Variants in TMEM131L observed in about 807,000 individuals in gnomAD.
The protein encoded by TMEM131L is transmembrane 131 like, also known as transmembrane protein 131-like.
Under a neutral mutation model 192.2 loss-of-function variants are expected in TMEM131L, and 54 were observed. The observed-to-expected ratio is 0.28, with a 90% CI of 0.23 to 0.35. The LOEUF is 0.35. Ranked by LOEUF, TMEM131L falls within the 10% of genes least tolerant of loss-of-function variation. The pLI, the probability that TMEM131L is intolerant of heterozygous loss-of-function variation, is 1.00. For synonymous variants in TMEM131L, 701 were observed against 704.9 expected, an observed-to-expected ratio of 0.99 and a Z score of 0.09; for missense variants, 1,888 against 1,972.9, an observed-to-expected ratio of 0.96 and a Z score of 0.82.
chr4:153,604,333 A>G lies in TMEM131L; in HGVS notation c.3321A>G (p.Pro1107=), dbSNP rs1003855823. The change falls in exon 25 of 35, where the codon CCA becomes CCG. Residue 1107 remains proline, a synonymous_variant. Transcript: ENST00000409959. ...TAEFKERELC[P]LKTSKKLPEN... The stretch of plus-strand genomic sequence containing the variant: ...AGTTCAAGGAACGGGAGCTCTGTCC[A>G]CTGAAGACCTCCAAGAAACTACCTG... The G allele has an allele frequency of 2.5e-6, 4 of 1,614,030 alleles. No individual in the cohort carries two copies. The highest frequency in any genetic ancestry group is 3.4e-6 in the Non-Finnish European group (4 of 1,179,990).
At position 153,603,829 on chromosome 4, in the gene TMEM131L, A is replaced by C. The variant is rs369892309; in HGVS notation, c.2817A>C (p.Thr939=). ...YKSNCKNFLD[T]YGPSDKGRGK... ...GCAATTGCAAGAACTTTCTCGATACATATGGCCCCTCTGATAAAGGCAGGG... is the reference window on the plus strand; with the variant it reads ...GCAATTGCAAGAACTTTCTCGATACCTATGGCCCCTCTGATAAAGGCAGGG... Residue 939 remains threonine, a synonymous_variant, in exon 25 of 35, where the codon ACA becomes ACC. Transcript: ENST00000409959. 6.2e-7 allele frequency: 1 copy of C among 1,605,704 alleles called. No homozygotes were observed. The highest frequency in any genetic ancestry group is 1.3e-5 in the African/African-American group (1 of 74,290).
chr4:153,578,378 G>A (rs1730102470), intron 7 of TMEM131L, among the ~76,000 whole-genome samples: 1 of 151,680 alleles, frequency 6.6e-6, no homozygotes. Context: ...TTTTTGAGAC[G>A]GAGTTTCACT....
At chr4:153,530,969 C>T (rs1320815585) in intron 3 of TMEM131L, among the ~76,000 whole-genome samples, 1 of 152,206 alleles carries the variant, frequency 6.6e-6, no homozygotes, top group Non-Finnish European at 1.5e-5. Context: ...TATTAAATCC[C>T]TTTCTGCTTA....
chr4:153,611,846 C>T (rs1037715548), intron 25 of TMEM131L, among the ~76,000 whole-genome samples: 2 of 152,194 alleles, frequency 1.3e-5, no homozygotes, highest in East Asian at 1.9e-4. Flanking sequence ...CCATCTTAAC[C>T]GTACAGTTCA....
intron 3 of TMEM131L, among the ~76,000 whole-genome samples, chr4:153,531,107 A>G (rs570204961): frequency 6.6e-6 from 1 of 152,358 alleles, no homozygotes; most frequent in South Asian, 2.1e-4. Flanking sequence ...ATAGATGGAT[A>G]AATGGATCAG....
intron 3 of TMEM131L, among the ~76,000 whole-genome samples, chr4:153,503,968 G>A (rs1733785815): frequency 6.6e-6 from 1 of 151,948 alleles, no homozygotes; most frequent in Non-Finnish European, 1.5e-5. Context: ...GCACTTGTGT[G>A]GTTTTTTTGT....
At chr4:153,497,988 C>G (rs1306168355) in intron 3 of TMEM131L, among the ~76,000 whole-genome samples, 1 of 151,838 alleles carries the variant, frequency 6.6e-6, no homozygotes, top group Non-Finnish European at 1.5e-5. Flanking sequence ...GGCAGAGATC[C>G]GTGTGTAAGC....
At chr4:153,598,561 C>T in intron 20 of TMEM131L, 29 bp from the exon 21 acceptor site, 1 of 1,595,990 alleles carries the variant, frequency 6.3e-7, no homozygotes, top group East Asian at 2.3e-5. Context: ...CATGTAATGC[C>T]TTTTTATATC....
chr4:153,514,820 C>CT (rs889242431), intron 3 of TMEM131L, among the ~76,000 whole-genome samples: 42 of 149,324 alleles, frequency 2.8e-4, no homozygotes, highest in Admixed American at 8.0e-4. Flanking sequence ...TTTTTCTTTT[C>CT]TTTTTTTTTT....
intron 7 of TMEM131L, among the ~76,000 whole-genome samples, chr4:153,574,368 A>G (rs907527415): frequency 6.6e-6 from 1 of 152,170 alleles, no homozygotes; most frequent in Non-Finnish European, 1.5e-5. Context: ...TCAGGGAAAA[A>G]TAGCTGTACA....
At chr4:153,570,050 G>A (rs929830655) in intron 7 of TMEM131L, among the ~76,000 whole-genome samples, 1 of 151,902 alleles carries the variant, frequency 6.6e-6, no homozygotes, top group African/African-American at 2.4e-5. Flanking sequence ...AGTTCTCCAT[G>A]CCTCTGTGCA....
At chr4:153,569,899 A>G (rs1729468825) in intron 7 of TMEM131L, among the ~76,000 whole-genome samples, 1 of 152,234 alleles carries the variant, frequency 6.6e-6, no homozygotes, top group African/African-American at 2.4e-5. Flanking sequence ...CAGAGATTAG[A>G]ACCCCCAACG....
intron 3 of TMEM131L, among the ~76,000 whole-genome samples, chr4:153,487,875 A>G (rs1351848237): frequency 7.2e-6 from 1 of 138,100 alleles, no homozygotes; most frequent in Non-Finnish European, 1.6e-5. Context: ...GAGAGAGACA[A>G]AGAGACAGAC....
intron 26 of TMEM131L, among the ~76,000 whole-genome samples, chr4:153,617,863 GTT>G (rs61453817): frequency 2.9e-5 from 4 of 138,614 alleles, no homozygotes; most frequent in South Asian, 2.3e-4. Flanking sequence ...GCTCTTCGTG[GTT>G]TTTTTTTTTT....
chr4:153,509,929 C>T (rs1328750013), intron 3 of TMEM131L, among the ~76,000 whole-genome samples: 1 of 152,042 alleles, frequency 6.6e-6, no homozygotes, highest in African/African-American at 2.4e-5. Context: ...TTTTATGGTG[C>T]CCTTGTGTTG....
At chr4:153,607,221 A>G (rs545210859) in intron 25 of TMEM131L, among the ~76,000 whole-genome samples, 5 of 152,382 alleles carry the variant, frequency 3.3e-5, no homozygotes, top group African/African-American at 1.2e-4. Flanking sequence ...ATAAACGCGT[A>G]TAATTGACAG....
chr4:153,618,247 G>A (rs1425766883), intron 26 of TMEM131L, among the ~76,000 whole-genome samples: 1 of 151,962 alleles, frequency 6.6e-6, no homozygotes, highest in Non-Finnish European at 1.5e-5. Flanking sequence ...AGCTGACGCA[G>A]GAGAATCTCT....
chr4:153,627,514 A>G (rs1733932131), intron 30 of TMEM131L, 91 bp from the exon 31 acceptor site: 5 of 916,234 alleles, frequency 5.5e-6, no homozygotes, highest in Non-Finnish European at 8.7e-6. Context: ...ACTTCAATTG[A>G]GTGAAAACTC....
chr4:153,499,278 C>T (rs1412776620), intron 3 of TMEM131L, among the ~76,000 whole-genome samples: 5 of 152,122 alleles, frequency 3.3e-5, no homozygotes, highest in South Asian at 2.1e-4. Flanking sequence ...GACATGGCCT[C>T]GGGAGGTTTG....
Sources: gnomAD v4.1 joint callset for allele counts (sites outside exome capture counted in the v4.1 genomes callset) on GRCh38, gnomAD v4.1.1 for gene constraint, MANE v1.5 for transcripts, NCBI Gene and HGNC (gene_info 2026-07-23, HGNC 2026-07-21) for gene names.